Variants in AGBL1 observed in about 807,000 individuals in gnomAD.
AGBL1 encodes AGBL carboxypeptidase 1, also known as cytosolic carboxypeptidase 4.
AGBL1 carries 130 observed loss-of-function variants against 118.9 expected under a neutral mutation model. The observed-to-expected ratio is 1.09, with a 90% CI of 0.95 to 1.26. The LOEUF (loss-of-function observed/expected upper bound fraction) is 1.26. AGBL1 is among the 50% of genes most tolerant of loss of function. The pLI is 0.00. For synonymous variants in AGBL1, 555 were observed against 478.9 expected (o/e 1.16, Z -2.08); for missense variants, 1,584 against 1,298.1 (o/e 1.22, Z -3.38).
intron 18 of AGBL1, 133 bp from the exon 19 acceptor site, chr15:86,522,677 T>C (rs547101447): frequency 1.7e-6 from 2 of 1,151,828 alleles, no homozygotes; most frequent in East Asian, 5.2e-5. Context: ...ACATCTGAAA[T>C]TGATGCCAAT....
intron 22 of AGBL1, among the ~76,000 whole-genome samples, chr15:86,894,321 GGAGA>G (rs1596602610): frequency 6.6e-6 from 1 of 152,228 alleles, no homozygotes; most frequent in East Asian, 1.9e-4. Flanking sequence ...TCAAGAGGGA[GGAGA>G]GAGAGAGAAT....
chr15:86,216,867 C>T (rs1336044925), intron 5 of AGBL1, among the ~76,000 whole-genome samples: 2 of 152,202 alleles, frequency 1.3e-5, no homozygotes, highest in Non-Finnish European at 2.9e-5. Flanking sequence ...TCATCCTCAA[C>T]TCTAGCAGCC....
At chr15:86,513,784 T>G (rs1423480288) in intron 18 of AGBL1, among the ~76,000 whole-genome samples, 1 of 152,116 alleles carries the variant, frequency 6.6e-6, no homozygotes, top group Non-Finnish European at 1.5e-5. Flanking sequence ...TATGAATATT[T>G]AATTTATTCT....
At chr15:86,637,898 G>C (rs1360710230) in intron 21 of AGBL1, among the ~76,000 whole-genome samples, 1 of 152,174 alleles carries the variant, frequency 6.6e-6, no homozygotes, top group Admixed American at 6.5e-5. Flanking sequence ...CAAAGAGGGA[G>C]ATGGTGTTTG....
At chr15:86,347,147 G>T (rs1244147806) in intron 17 of AGBL1, among the ~76,000 whole-genome samples, 1 of 152,166 alleles carries the variant, frequency 6.6e-6, no homozygotes, top group Admixed American at 6.5e-5. Context: ...CTTTCATCTA[G>T]GCAAAGTAAG....
At chr15:86,753,397 CTTTT>C (rs1555446759) in intron 22 of AGBL1, among the ~76,000 whole-genome samples, 23 of 111,292 alleles carry the variant, frequency 2.1e-4, no homozygotes, top group Non-Finnish European at 4.1e-4. Context: ...TTTTCTTTTT[CTTTT>C]TTTTTTTTTT....
intron 21 of AGBL1, among the ~76,000 whole-genome samples, chr15:86,654,914 T>C (rs182718849): frequency 6.6e-6 from 1 of 152,078 alleles, no homozygotes; most frequent in African/African-American, 2.4e-5. Context: ...GGAATCTCTC[T>C]CAGTAGGGTT....
intron 1 of AGBL1, among the ~76,000 whole-genome samples, chr15:86,084,667 A>G (rs1005320733): frequency 6.6e-6 from 1 of 152,236 alleles, no homozygotes; most frequent in African/African-American, 2.4e-5. Flanking sequence ...TGAATTTTCT[A>G]CAGTAGAGGA....
chr15:86,556,110 G>C (rs960319255), intron 21 of AGBL1: 17 of 752,540 alleles, frequency 2.3e-5, no homozygotes, highest in Middle Eastern at 4.8e-4. Flanking sequence ...TTCTAGTCAC[G>C]TAAGTATCAG....
intron 16 of AGBL1, among the ~76,000 whole-genome samples, chr15:86,283,409 G>T (rs1353579): frequency 1.4e-5 from 2 of 145,114 alleles, no homozygotes; most frequent in African/African-American, 5.0e-5. Context: ...GGATAGAGCA[G>T]AATTTTTACC....
At chr15:86,590,997 T>G (rs2084326455) in intron 21 of AGBL1, among the ~76,000 whole-genome samples, 1 of 152,238 alleles carries the variant, frequency 6.6e-6, no homozygotes, top group Non-Finnish European at 1.5e-5. Context: ...TAATGTACGT[T>G]ATAGCTGTGT....
At chr15:86,706,897 A>G (rs1261958529) in intron 22 of AGBL1, among the ~76,000 whole-genome samples, 1 of 152,140 alleles carries the variant, frequency 6.6e-6, no homozygotes, top group African/African-American at 2.4e-5. Flanking sequence ...CCAGTTACTC[A>G]TCTATGACAC....
At chr15:86,917,753 G>A (rs2080441924), downstream of AGBL1, among the ~76,000 whole-genome samples, 1 of 148,662 alleles carries the variant, frequency 6.7e-6, no homozygotes, top group Non-Finnish European at 1.5e-5. The surrounding 1 kb of genome is among the most constrained non-coding windows in gnomAD (Gnocchi z 4.8). Flanking sequence ...CGGGGAGTGG[G>A]GCCAGGGGTG....
intron 5 of AGBL1, among the ~76,000 whole-genome samples, chr15:86,215,259 G>T (rs1020134789): frequency 2.0e-5 from 3 of 150,984 alleles, no homozygotes; most frequent in African/African-American, 7.3e-5. Context: ...GTGTGTGTGT[G>T]TGTGTGATTT....
At chr15:86,853,609 CTTTA>C (rs1221086593) in intron 22 of AGBL1, among the ~76,000 whole-genome samples, 10 of 152,272 alleles carry the variant, frequency 6.6e-5, no homozygotes, top group South Asian at 6.2e-4. Context: ...ACTTGGCTGC[CTTTA>C]TTTTTCAGAG....
At chr15:86,174,345 G>A (rs1012146569) in intron 5 of AGBL1, among the ~76,000 whole-genome samples, 20 of 151,876 alleles carry the variant, frequency 1.3e-4, no homozygotes, top group African/African-American at 4.8e-4. Flanking sequence ...GAGTTTTTTT[G>A]GTGTAGTCTT....
At chr15:86,724,235 C>CAAAAAAAAA (rs1204898095) in intron 22 of AGBL1, among the ~76,000 whole-genome samples, 12 of 73,788 alleles carry the variant, frequency 1.6e-4, no homozygotes, top group East Asian at 4.7e-4. Context: ...GACTCCATCT[C>CAAAAAAAAA]AAAAAAAAAA....
chr15:86,607,432 A>G (rs1303928341), intron 21 of AGBL1, among the ~76,000 whole-genome samples: 1 of 152,152 alleles, frequency 6.6e-6, no homozygotes, highest in Non-Finnish European at 1.5e-5. Flanking sequence ...ATTTGGGTAA[A>G]TGGCAAGGAA....
At chr15:86,093,636 C>A (rs117717438) in intron 1 of AGBL1, among the ~76,000 whole-genome samples, 1 of 152,074 alleles carries the variant, frequency 6.6e-6, no homozygotes. Context: ...AGAACCAAAA[C>A]GAACAGCTCA....
Sources: allele counts gnomAD v4.1 joint callset (sites outside exome capture counted in the v4.1 genomes callset), GRCh38; gene constraint gnomAD v4.1.1; non-coding constraint Gnocchi (gnomAD v3.1); transcripts MANE v1.5; gene names NCBI Gene and HGNC (gene_info 2026-07-23, HGNC 2026-07-21).